Variants in GPHN observed in about 807,000 individuals in gnomAD.
The protein encoded by GPHN is gephyrin.
A neutral mutation model predicts 95.5 loss-of-function variants in GPHN; 17 were observed. The observed-to-expected ratio is 0.18, with a 90% confidence interval of 0.12 to 0.27. The LOEUF (loss-of-function observed/expected upper bound fraction) is 0.27. Ranked by LOEUF, GPHN falls within the 10% of genes least tolerant of loss-of-function variation. The pLI, the probability that GPHN is intolerant of heterozygous loss-of-function variation, is 1.00. For synonymous variants in GPHN, 320 were observed against 322.5 expected (o/e 0.99, Z 0.08); for missense variants, 660 against 978.1 (o/e 0.67, Z 4.34).
intron 11 of GPHN, among the ~76,000 whole-genome samples, chr14:67,081,270 C>T (rs936986577): frequency 3.3e-5 from 5 of 152,128 alleles, no homozygotes; most frequent in Non-Finnish European, 5.9e-5. Context: ...CCACCAACAT[C>T]TATTATTCTT....
chr14:67,388,156 G>T, the GPHN span: 2 of 955,140 alleles, frequency 2.1e-6, no homozygotes, highest in Non-Finnish European at 3.4e-6. Context: ...TTTCATTAGT[G>T]GGACATTACT....
At chr14:67,615,879 G>C in the GPHN span, 1 of 606,228 alleles carries the variant, frequency 1.6e-6, no homozygotes, top group Non-Finnish European at 3.1e-6. Flanking sequence ...GGAGGGATGT[G>C]GAATAACACT....
intron 4 of GPHN, among the ~76,000 whole-genome samples, chr14:66,838,298 T>C (rs1351794220): frequency 6.6e-6 from 1 of 152,170 alleles, no homozygotes; most frequent in Non-Finnish European, 1.5e-5. Context: ...TATTGTTATC[T>C]ACAATATGTT....
chr14:67,415,188 T>A, the GPHN span, among the ~76,000 whole-genome samples: 1 of 152,202 alleles, frequency 6.6e-6, no homozygotes, highest in South Asian at 2.1e-4. Flanking sequence ...CCTGAATCTA[T>A]CACTCAGACA....
chr14:67,208,063 C>T, the GPHN span: 3 of 1,297,312 alleles, frequency 2.3e-6, no homozygotes, highest in Non-Finnish European at 3.1e-6. Context: ...CATTCTAAGC[C>T]TCACTCCCTC....
chr14:67,450,826 A>G, the GPHN span, among the ~76,000 whole-genome samples: 2 of 152,384 alleles, frequency 1.3e-5, no homozygotes, highest in South Asian at 2.1e-4. Context: ...AGAAATTTGC[A>G]TAAGTAACGA....
the GPHN span, chr14:67,735,157 T>A: frequency 1.0e-6 from 1 of 965,420 alleles, no homozygotes; most frequent in Admixed American, 1.7e-5. Flanking sequence ...TTGTTGGCAT[T>A]TTCAGAATAT....
the GPHN span, chr14:67,349,249 G>T: frequency 1.3e-6 from 1 of 774,700 alleles, no homozygotes; most frequent in Non-Finnish European, 2.0e-6. Flanking sequence ...TTTCCAAAAA[G>T]GGAGAAAAGT....
intron 16 of GPHN, 115 bp from the exon 17 acceptor site, chr14:67,122,141 A>G (rs112220897): frequency 1.0e-6 from 1 of 953,534 alleles, no homozygotes; most frequent in Non-Finnish European, 1.7e-6. Flanking sequence ...TCAAAATGCC[A>G]GATACCATTG....
the GPHN span, among the ~76,000 whole-genome samples, chr14:67,708,862 G>A: frequency 6.9e-5 from 10 of 145,588 alleles, no homozygotes; most frequent in East Asian, 1.8e-3. Context: ...GTGCAATCTT[G>A]GCTCACGGCA....
the GPHN span, chr14:67,383,531 C>T: frequency 2.0e-6 from 3 of 1,535,330 alleles, no homozygotes; most frequent in African/African-American, 2.7e-5. Context: ...GTATTGAAAA[C>T]TTCAAAGCTG....
the GPHN span, among the ~76,000 whole-genome samples, chr14:67,391,307 CTT>C: frequency 0.017 from 1,943 of 117,274 alleles, 50 homozygotes; most frequent in African/African-American, 0.075. Flanking sequence ...GTGTGTGTGA[CTT>C]TCTTTGGCCT....
At chr14:67,242,908 A>C in the GPHN span, among the ~76,000 whole-genome samples, 3 of 152,174 alleles carry the variant, frequency 2.0e-5, no homozygotes, top group Admixed American at 6.5e-5. Context: ...AGAATATATA[A>C]GTTCTACTTG....
intron 5 of GPHN, among the ~76,000 whole-genome samples, chr14:66,894,836 A>G (rs1051568983): frequency 1.3e-5 from 2 of 152,220 alleles, no homozygotes; most frequent in Non-Finnish European, 2.9e-5. Flanking sequence ...TAGAATGGCG[A>G]TCATTAAAAA....
At chr14:67,517,490 T>G in the GPHN span, among the ~76,000 whole-genome samples, 1 of 152,220 alleles carries the variant, frequency 6.6e-6, no homozygotes, top group Non-Finnish European at 1.5e-5. Flanking sequence ...AAGAAAAATG[T>G]TTTAATATAT....
the GPHN span, chr14:67,393,098 A>G: frequency 1.5e-6 from 2 of 1,340,626 alleles, no homozygotes; most frequent in African/African-American, 2.9e-5. Context: ...TGAGCCCTGC[A>G]TCACCATGTC....
At chr14:66,825,592 G>A (rs2061359583) in intron 4 of GPHN, among the ~76,000 whole-genome samples, 2 of 151,796 alleles carry the variant, frequency 1.3e-5, no homozygotes, top group South Asian at 4.2e-4. Context: ...GGCCCCAGGT[G>A]ATGCAGATGT....
chr14:67,664,318 G>A, the GPHN span, among the ~76,000 whole-genome samples: 1 of 152,006 alleles, frequency 6.6e-6, no homozygotes, highest in Non-Finnish European at 1.5e-5. Context: ...CACTACTCCA[G>A]GTACACCATT....
chr14:67,092,047 G>C (rs2077170923), intron 12 of GPHN, among the ~76,000 whole-genome samples: 1 of 152,018 alleles, frequency 6.6e-6, no homozygotes. Context: ...TAGTATGTCT[G>C]TGTATACAAT....
Sources: gnomAD v4.1 joint callset for allele counts (sites outside exome capture counted in the v4.1 genomes callset) on GRCh38, gnomAD v4.1.1 for gene constraint, MANE v1.5 for transcripts, NCBI Gene and HGNC (gene_info 2026-07-23, HGNC 2026-07-21) for gene names.